ZNF385D: variants seen among roughly 807,000 people sequenced by gnomAD.
ZNF385D encodes the protein zinc finger protein 385D, also known as zinc finger protein 659.
ZNF385D carries 15 observed loss-of-function variants against 35.8 expected under a neutral mutation model. That is an observed-to-expected ratio of 0.42 (90% CI 0.28 to 0.64). The LOEUF (loss-of-function observed/expected upper bound fraction) is 0.64, where lower values mean the gene tolerates loss of function less well. Ranked by LOEUF, ZNF385D falls within the 30% of genes least tolerant of loss-of-function variation. The pLI, the probability that ZNF385D is intolerant of heterozygous loss-of-function variation, is 0.23. For missense variants in ZNF385D, 474 were observed against 494.6 expected (o/e 0.96, Z 0.39); for synonymous variants, 212 against 186.8 (o/e 1.13, Z -1.10).
At chr3:21,841,741 T>G (rs1695690185) in intron 3 of ZNF385D, among the ~76,000 whole-genome samples, 1 of 151,964 alleles carries the variant, frequency 6.6e-6, no homozygotes, top group South Asian at 2.1e-4. Flanking sequence ...TTTGCTTAAA[T>G]TTTTACTTAA....
chr3:21,911,826 G>C (rs986609533), intron 3 of ZNF385D, among the ~76,000 whole-genome samples: 2 of 151,900 alleles, frequency 1.3e-5, no homozygotes, highest in Admixed American at 6.6e-5. Context: ...TTTTAGACAA[G>C]TGGTGCTTTA....
chr3:21,569,070 T>A (rs2063240873), intron 2 of ZNF385D, among the ~76,000 whole-genome samples: 1 of 152,206 alleles, frequency 6.6e-6, no homozygotes, highest in South Asian at 2.1e-4. Flanking sequence ...TGTAGATGTC[T>A]ATTAGGTCCG....
intron 1 of ZNF385D, among the ~76,000 whole-genome samples, chr3:21,743,199 C>T (rs905684548): frequency 5.3e-5 from 8 of 152,162 alleles, no homozygotes; most frequent in Non-Finnish European, 1.2e-4. Flanking sequence ...GACTGGGATT[C>T]CATCTTGAAC....
At chr3:21,450,704 A>G (rs1052894823) in intron 4 of ZNF385D, among the ~76,000 whole-genome samples, 3 of 152,306 alleles carry the variant, frequency 2.0e-5, no homozygotes, top group Non-Finnish European at 4.4e-5. Flanking sequence ...TAAGTGTTGG[A>G]GGAATTCTTG....
chr3:21,835,241 T>C lies in ZNF385D; in HGVS notation c.326-170213A>G, dbSNP rs930529940. On this transcript the variant is annotated intron_variant, in intron 3 of 5. Transcript: ENST00000494108. ...AGAAAAAAACTAGTGAGGCTATGTA[T>C]AGTTTGCTTACTTTTTTTTTAAGTT... Among the ~76,000 whole-genome samples, 5 of 89,708 alleles carry C rather than the reference T, an allele frequency of 5.6e-5. No individual in the cohort carries two copies. The Admixed American group carries it at 5.9e-4, about 11-fold the overall frequency. 58.9% of individuals were successfully genotyped at this position (89,708 alleles called of 152,430 possible).
At chr3:22,322,154 A>G (rs1694468606) in intron 2 of ZNF385D, among the ~76,000 whole-genome samples, 1 of 152,102 alleles carries the variant, frequency 6.6e-6, no homozygotes, top group Non-Finnish European at 1.5e-5. Flanking sequence ...TCTAGGCAAT[A>G]TATCTTTACT....
intron 3 of ZNF385D, among the ~76,000 whole-genome samples, chr3:21,557,062 G>T (rs7621121): frequency 0.89 from 136,007 of 152,204 alleles, 60,955 homozygotes; most frequent in African/African-American, 0.96. Context: ...GTTAGGAGAT[G>T]TTGGGCTGAG....
chr3:22,347,559 T>C (rs1384116877), intron 2 of ZNF385D, among the ~76,000 whole-genome samples: 1 of 152,182 alleles, frequency 6.6e-6, no homozygotes, highest in Non-Finnish European at 1.5e-5. Flanking sequence ...CTTAGATCAT[T>C]TGATGCTCAA....
intron 2 of ZNF385D, among the ~76,000 whole-genome samples, chr3:22,193,596 T>G (rs1294188700): frequency 6.6e-6 from 1 of 152,032 alleles, no homozygotes; most frequent in Non-Finnish European, 1.5e-5. Flanking sequence ...TATGTGCAGT[T>G]TTTCTAATCT....
intron 2 of ZNF385D, among the ~76,000 whole-genome samples, chr3:21,630,823 G>A (rs529056457): frequency 4.3e-4 from 65 of 152,020 alleles, no homozygotes; most frequent in African/African-American, 1.5e-3. Flanking sequence ...CCATGTCAGG[G>A]GTTTTATGTC....
intron 3 of ZNF385D, among the ~76,000 whole-genome samples, chr3:21,813,715 T>C (rs1481543534): frequency 6.6e-6 from 1 of 152,108 alleles, no homozygotes; most frequent in Non-Finnish European, 1.5e-5. Context: ...AAAGACCAAA[T>C]CTACGTCTGA....
At chr3:22,109,931 A>C (rs1036605367) in intron 3 of ZNF385D, among the ~76,000 whole-genome samples, 3 of 152,184 alleles carry the variant, frequency 2.0e-5, no homozygotes, top group Non-Finnish European at 2.9e-5. Flanking sequence ...CAATGAACTC[A>C]AACAAATTTA....
chr3:22,139,467 G>A (rs1040193415), intron 3 of ZNF385D, among the ~76,000 whole-genome samples: 1 of 152,054 alleles, frequency 6.6e-6, no homozygotes, highest in Admixed American at 6.6e-5. Context: ...CCTTTGTAGG[G>A]ACATGGATGA....
chr3:21,987,263 T>A (rs1334581927), intron 3 of ZNF385D, among the ~76,000 whole-genome samples: 11 of 141,058 alleles, frequency 7.8e-5, no homozygotes, highest in Non-Finnish European at 1.5e-4. Flanking sequence ...CTTCCTAGTC[T>A]CGATGGTCTT....
At chr3:21,735,009 T>C (rs986259651) in intron 1 of ZNF385D, among the ~76,000 whole-genome samples, 1 of 152,144 alleles carries the variant, frequency 6.6e-6, no homozygotes, top group Admixed American at 6.5e-5. Context: ...GTTCCACCCT[T>C]TTATCCCCAC....
At chr3:21,852,526 C>T (rs1482680151) in intron 3 of ZNF385D, among the ~76,000 whole-genome samples, 1 of 151,824 alleles carries the variant, frequency 6.6e-6, no homozygotes, top group Non-Finnish European at 1.5e-5. Context: ...GAATATCATG[C>T]TAAATGTGTG....
intron 3 of ZNF385D, among the ~76,000 whole-genome samples, chr3:22,154,121 C>A (rs1416507212): frequency 6.6e-6 from 1 of 152,076 alleles, no homozygotes; most frequent in Non-Finnish European, 1.5e-5. Flanking sequence ...TAATTCTGGT[C>A]CTCGGGAATA....
intron 3 of ZNF385D, among the ~76,000 whole-genome samples, chr3:21,970,791 T>C (rs1576041366): frequency 6.6e-6 from 1 of 151,168 alleles, no homozygotes; most frequent in Admixed American, 6.6e-5. Flanking sequence ...AAGACAAACA[T>C]AAAGAAAGGA....
chr3:21,957,766 T>G (rs567996784), intron 3 of ZNF385D, among the ~76,000 whole-genome samples: 2 of 152,258 alleles, frequency 1.3e-5, no homozygotes, highest in South Asian at 4.1e-4. Context: ...TGATAATGCA[T>G]TTAGTCTGCC....
Sources: allele counts gnomAD v4.1 joint callset (sites outside exome capture counted in the v4.1 genomes callset), GRCh38; gene constraint gnomAD v4.1.1; transcripts MANE v1.5; gene names NCBI Gene and HGNC (gene_info 2026-07-23, HGNC 2026-07-21).